The following NEGR1 variants were observed in gnomAD, a reference collection of about 807,000 sequenced individuals.
NEGR1 encodes the protein neuronal growth regulator 1.
In NEGR1, 10 loss-of-function variants were observed where a neutral mutation model predicts 40.9. That is an observed-to-expected ratio of 0.24 (90% CI 0.15 to 0.42). NEGR1 has a LOEUF of 0.42. Among genes scored for constraint, NEGR1 ranks in the 10% least tolerant of loss-of-function variants. The probability of loss-of-function intolerance (pLI) is 1.00; values close to 1 mark genes in which losing one functional copy is unlikely to be tolerated. For missense variants in NEGR1, 352 were observed against 438.9 expected (o/e 0.80, Z 1.77); for synonymous variants, 185 against 166.8 (o/e 1.11, Z -0.84).
chr1:72,087,524 T>C (rs1648269948), intron 1 of NEGR1, among the ~76,000 whole-genome samples: 1 of 151,686 alleles, frequency 6.6e-6, no homozygotes, highest in South Asian at 2.1e-4. Context: ...CATGAAATAA[T>C]AGAATGGCAT....
chr1:72,049,164 T>C lies in NEGR1; in HGVS notation c.177-113853A>G, dbSNP rs1230357448. Among the ~76,000 whole-genome samples, 9 of 151,010 alleles carry C rather than the reference T, an allele frequency of 6.0e-5. No individual in the cohort carries two copies. In the East Asian group the frequency reaches 1.6e-3, roughly 26 times the overall value. On this transcript the variant is annotated intron_variant, in intron 1 of 6. Transcript: ENST00000357731. ...ACACAGCAAGACGTCTCTAAAGAAATAAAAATAAATAATAATAATGCAAAA... is the reference window on the plus strand; with the variant it reads ...ACACAGCAAGACGTCTCTAAAGAAACAAAAATAAATAATAATAATGCAAAA...
At chr1:72,277,063 A>G (rs1008539986) in intron 1 of NEGR1, among the ~76,000 whole-genome samples, 3 of 152,158 alleles carry the variant, frequency 2.0e-5, no homozygotes. Flanking sequence ...AGTGATATAC[A>G]CTGCCCAAAA....
intron 6 of NEGR1, among the ~76,000 whole-genome samples, chr1:71,484,583 A>G (rs998315865): frequency 6.6e-6 from 1 of 151,820 alleles, no homozygotes; most frequent in African/African-American, 2.4e-5. Flanking sequence ...CTTTAATTTA[A>G]CGAATATTAC....
At chr1:72,099,145 G>T (rs1413395531) in intron 1 of NEGR1, among the ~76,000 whole-genome samples, 1 of 151,646 alleles carries the variant, frequency 6.6e-6, no homozygotes, top group African/African-American at 2.4e-5. Context: ...AAAAATTTAT[G>T]TTTTAAAGTT....
At chr1:72,144,512 TA>T (rs1650835977) in intron 1 of NEGR1, among the ~76,000 whole-genome samples, 1 of 127,312 alleles carries the variant, frequency 7.9e-6, no homozygotes, top group African/African-American at 2.6e-5. Flanking sequence ...GACATATAAT[TA>T]ATATGTGCAT....
chr1:71,487,784 C>T (rs1487240218), intron 6 of NEGR1, among the ~76,000 whole-genome samples: 1 of 151,406 alleles, frequency 6.6e-6, no homozygotes, highest in Non-Finnish European at 1.5e-5. Context: ...CTTTTGTATG[C>T]AAAATGCACT....
At chr1:71,531,820 A>G (rs1323266912) in intron 6 of NEGR1, among the ~76,000 whole-genome samples, 1 of 151,432 alleles carries the variant, frequency 6.6e-6, no homozygotes, top group Non-Finnish European at 1.5e-5. Context: ...ATAATCATAG[A>G]CTTGCTCAAA....
intron 2 of NEGR1, among the ~76,000 whole-genome samples, chr1:71,832,032 G>A (rs1658860405): frequency 6.6e-6 from 1 of 151,820 alleles, no homozygotes; most frequent in Admixed American, 6.6e-5. Flanking sequence ...TACGCAAGAT[G>A]GATTAGAGAT....
chr1:72,100,741 A>G (rs925027504), intron 1 of NEGR1: 11 of 152,184 alleles, frequency 7.2e-5, no homozygotes, highest in African/African-American at 2.7e-4. Context: ...TGCCTACTGT[A>G]TACCTGTATT....
intron 6 of NEGR1, among the ~76,000 whole-genome samples, chr1:71,444,807 A>G (rs1332947756): frequency 6.6e-6 from 1 of 152,222 alleles, no homozygotes; most frequent in Non-Finnish European, 1.5e-5. Context: ...GTCACATGAC[A>G]TGATATATAA....
intron 1 of NEGR1, among the ~76,000 whole-genome samples, chr1:72,057,835 G>T (rs1051450666): frequency 6.6e-6 from 1 of 151,374 alleles, no homozygotes; most frequent in South Asian, 2.1e-4. Context: ...GAAAGCTCTG[G>T]TGTCTGTTTT....
chr1:71,825,507 C>G (rs919396504), intron 2 of NEGR1, among the ~76,000 whole-genome samples: 2 of 151,838 alleles, frequency 1.3e-5, no homozygotes, highest in Non-Finnish European at 2.9e-5. Flanking sequence ...GTTTTCAATA[C>G]TACTAGTATG....
intron 1 of NEGR1, among the ~76,000 whole-genome samples, chr1:71,996,500 G>T (rs976965149): frequency 1.3e-5 from 2 of 151,998 alleles, no homozygotes; most frequent in African/African-American, 4.8e-5. Context: ...CTATGCCATT[G>T]AAAAGATCAA....
At chr1:71,952,259 G>A (rs1417786189) in intron 1 of NEGR1, among the ~76,000 whole-genome samples, 2 of 152,036 alleles carry the variant, frequency 1.3e-5, no homozygotes, top group East Asian at 3.9e-4. Flanking sequence ...TAAAGCTAAA[G>A]TTTTTAAAGG....
At chr1:72,238,591 C>T (rs1654636969) in intron 1 of NEGR1, among the ~76,000 whole-genome samples, 1 of 151,782 alleles carries the variant, frequency 6.6e-6, no homozygotes, top group Non-Finnish European at 1.5e-5. Flanking sequence ...ATGTGAGTAC[C>T]ATCCTCCTGA....
rs1646221084 is a variant in NEGR1 at position 71,397,674 on chromosome 1, C to A, written c.*9772G>T. On this transcript the variant is annotated 3_prime_UTR_variant, in exon 7 of 7. Coordinates refer to ENST00000357731, the MANE Select transcript of NEGR1 (RefSeq NM_173808.3). ...ACAGTATAAAAGTTTGAAAAATTTA[C>A]AGACTGAAAATGTGATAGAAAAGAA... 6.6e-6 allele frequency: 1 copy of A among 152,138 alleles called. No homozygotes were observed. The highest frequency in any genetic ancestry group is 2.1e-4 in the South Asian group (1 of 4,830). 9.4% of individuals were successfully genotyped at this position (152,138 alleles called of 1,614,324 possible). A position where few individuals can be genotyped will look rare whatever the true frequency, so the allele number is the denominator to read the frequency against.
At chr1:71,886,468 AAAC>A (rs1660726546) in intron 2 of NEGR1, among the ~76,000 whole-genome samples, 1 of 151,724 alleles carries the variant, frequency 6.6e-6, no homozygotes, top group Non-Finnish European at 1.5e-5. Flanking sequence ...AAAAAAAAAA[AAAC>A]AAAGGAAGGA....
chr1:72,222,773 A>G (rs1205860002), intron 1 of NEGR1, among the ~76,000 whole-genome samples: 2 of 152,154 alleles, frequency 1.3e-5, no homozygotes, highest in Non-Finnish European at 2.9e-5. Context: ...CATGCTCTTG[A>G]AAATCTTCCT....
At position 71,685,341 on chromosome 1, in the gene NEGR1, A is replaced by G. The variant is rs1490928849; in HGVS notation, c.667+12667T>C. ...GACATTACTTTTTTTTTTTTTTTTG[A>G]GATGGAGTTTCACTCTTTTTGCCCA... is the stretch of plus-strand genomic sequence containing the variant. On this transcript the variant is annotated intron_variant, in intron 4 of 6. Coordinates refer to ENST00000357731, the MANE Select transcript of NEGR1 (RefSeq NM_173808.3). Among the ~76,000 whole-genome samples, 8 of 77,516 alleles carry G rather than the reference A, an allele frequency of 1.0e-4. No homozygotes were observed. The East Asian group carries it at 3.4e-3, about 33-fold the overall frequency. The allele number at this position is 77,516 out of a possible 152,430, so 50.9% of individuals were successfully genotyped here.
Sources: allele counts gnomAD v4.1 joint callset (sites outside exome capture counted in the v4.1 genomes callset), GRCh38; gene constraint gnomAD v4.1.1; transcripts MANE v1.5; gene names NCBI Gene and HGNC (gene_info 2026-07-23, HGNC 2026-07-21).